The following CFAP92 variants were observed in gnomAD, a reference collection of about 807,000 sequenced individuals.
CFAP92 encodes the protein uncharacterized protein CFAP92.
A neutral mutation model predicts 106.3 loss-of-function variants in CFAP92; 86 were observed. The observed-to-expected ratio is 0.81, with a 90% CI of 0.68 to 0.97. CFAP92 has a LOEUF of 0.97. Among genes scored for constraint, CFAP92 ranks in the 50% least tolerant of loss-of-function variants. The pLI is 0.00. For synonymous variants in CFAP92, 477 were observed against 506.4 expected, an observed-to-expected ratio of 0.94 and a Z score of 0.78; for missense variants, 1,204 against 1,283.8, an observed-to-expected ratio of 0.94 and a Z score of 0.95.
rs1409387404 is a variant in CFAP92, at chr3:128,978,150, A to G, written c.703T>C (p.Ser235Pro). 4 of 1,613,818 alleles carry G rather than the reference A, an allele frequency of 2.5e-6. No individual in the cohort carries two copies. Among genetic ancestry groups the G allele is most frequent in the Non-Finnish European group, 3.4e-6 (4 of 1,179,806 alleles). Residue 235 changes from serine to proline, a missense_variant, in exon 5 of 16, where the codon TCT becomes CCT. Transcript: ENST00000645291. Reference sequence around the variant, plus strand: ...TTGGTATTCTCAATGCCCTGTTCAGATAATTTTCTCTGATTTAAAACCAAA... The same window carrying G: ...TTGGTATTCTCAATGCCCTGTTCAGGTAATTTTCTCTGATTTAAAACCAAA... ...RHLVLNQRKL[S>P]EQGIENTNIV...
At chr3:128,953,230 T>C (rs1453136630) in intron 9 of CFAP92, among the ~76,000 whole-genome samples, 6 of 149,804 alleles carry the variant, frequency 4.0e-5, no homozygotes, top group Non-Finnish European at 7.4e-5. Context: ...AAATACCCAA[T>C]CTGGGCCGGG....
upstream of CFAP92, chr3:129,004,141 G>A (rs1944950807): frequency 7.2e-7 from 1 of 1,392,228 alleles, no homozygotes; most frequent in African/African-American, 1.5e-5. Flanking sequence ...CCCAAACTTC[G>A]GGTGTGCAAT....
rs183362979 is a variant in CFAP92 at position 128,977,989 on chromosome 3, G to A, written c.808+56C>T. ...CATTGCTCCAGCACACCACACAACC[G>A]CTTTCCCTGCCATCGCCTTGCACTC... is the stretch of plus-strand genomic sequence containing the variant. On this transcript the variant is annotated intron_variant, in intron 5 of 15. Transcript: ENST00000645291. 1,382 of 1,606,698 alleles carry A rather than the reference G, an allele frequency of 8.6e-4. 4 individuals are homozygous for A. The highest frequency in any genetic ancestry group is 1.1e-3 in the Admixed American group (67 of 59,626).
chr3:129,004,035 A>C (rs1178815674), upstream of CFAP92: 2 of 1,510,958 alleles, frequency 1.3e-6, no homozygotes, highest in East Asian at 2.7e-5. Flanking sequence ...CCCGGCTTGC[A>C]GCGCTGGGTG....
the CFAP92 span, among the ~76,000 whole-genome samples, chr3:129,012,781 T>G: frequency 6.6e-6 from 1 of 152,176 alleles, no homozygotes; most frequent in South Asian, 2.1e-4. Flanking sequence ...AAACAATCAA[T>G]GTCCACCTCA....
In CFAP92 at chr3:128,987,736, T is replaced by A. The variant is rs759472993; in HGVS notation, c.547A>T (p.Asn183Tyr). The A allele has an allele frequency of 2.5e-5, 40 of 1,613,890 alleles. No homozygotes were observed. The highest frequency in any genetic ancestry group is 3.4e-5 in the Non-Finnish European group (40 of 1,179,866). ...TVTKELLKKI[N>Y]FHKITLRLWN... is the part of the protein sequence containing the mutation. ...AGCCTCAAGGTGATTTTGTGGAAAT[T>A]TATTTTCTTTAATAATTCCTTTGTC... Residue 183 changes from asparagine (N) to tyrosine (Y), a missense_variant, in exon 4 of 16, where the codon AAT becomes TAT. By Grantham distance (143) the Asn-to-Tyr change is moderately radical. Coordinates refer to ENST00000645291, the MANE Select transcript of CFAP92 (RefSeq NM_001394090.1).
intron 9 of CFAP92, among the ~76,000 whole-genome samples, chr3:128,958,090 A>C (rs557687043): frequency 1.3e-5 from 2 of 152,146 alleles, no homozygotes; most frequent in East Asian, 3.9e-4. Flanking sequence ...TCCCCCTTTC[A>C]TAAGGATACC....
intron 4 of CFAP92, among the ~76,000 whole-genome samples, chr3:128,983,467 C>A (rs1943651974): frequency 6.6e-6 from 1 of 152,164 alleles, no homozygotes; most frequent in African/African-American, 2.4e-5. Context: ...CAGGACTGCA[C>A]TCAGAGTGCC....
chr3:129,003,307 C>T, upstream of CFAP92: 3 of 983,966 alleles, frequency 3.0e-6, no homozygotes, highest in Non-Finnish European at 3.6e-6. Context: ...TGAGCACCTA[C>T]TATGTGCCAG....
At chr3:128,980,150 C>T (rs1301208346) in intron 4 of CFAP92, among the ~76,000 whole-genome samples, 2 of 151,398 alleles carry the variant, frequency 1.3e-5, no homozygotes, top group South Asian at 2.1e-4. Context: ...ATAAGAGGAT[C>T]GCTTGAGGCC....
chr3:128,990,609 T>G (rs985742853), intron 2 of CFAP92, among the ~76,000 whole-genome samples: 4 of 152,204 alleles, frequency 2.6e-5, no homozygotes, highest in Non-Finnish European at 5.9e-5. Flanking sequence ...AATAAACAAT[T>G]TATAGGTCGG....
intron 9 of CFAP92, among the ~76,000 whole-genome samples, chr3:128,947,284 A>C (rs770401250): frequency 1.3e-5 from 2 of 152,218 alleles, no homozygotes; most frequent in Non-Finnish European, 2.9e-5. Flanking sequence ...CATAGATTGG[A>C]AGACAATATA....
intron 9 of CFAP92, among the ~76,000 whole-genome samples, chr3:128,959,993 G>A (rs1941757212): frequency 6.6e-6 from 1 of 152,082 alleles, no homozygotes; most frequent in Non-Finnish European, 1.5e-5. Flanking sequence ...GTACTTTGTA[G>A]TCTCCCCCAC....
Position 128,945,699 on chromosome 3 carries a change from AG to A in CFAP92, c.1629del (p.Ser544LeufsTer37), listed in dbSNP as rs1185867941. 1 of 1,535,960 alleles carries A rather than the reference AG, an allele frequency of 6.5e-7. No individual in the cohort carries two copies. Among genetic ancestry groups the A allele is most frequent in the African/African-American group, 1.4e-5 (1 of 73,078 alleles). On this transcript the variant is annotated frameshift_variant, in exon 10 of 16. Transcript: ENST00000645291. LOFTEE classifies it high-confidence loss of function. Reference sequence around the variant, plus strand: ...GGGTTGTTCTCTGTCTCTCTGGGAGAGATGAGGGCCTGGAAGTTGAGGTATG... The same window carrying A: ...GGGTTGTTCTCTGTCTCTCTGGGAGAATGAGGGCCTGGAAGTTGAGGTATG... ...LDSYLNFQALISPRETENNPF... is the reference protein window; with the variant it reads ...LDSYLNFQALXSPRETENNPF...
chr3:128,933,320 G>C (rs1220448989), intron 11 of CFAP92, among the ~76,000 whole-genome samples: 1 of 152,204 alleles, frequency 6.6e-6, no homozygotes, highest in Non-Finnish European at 1.5e-5. Flanking sequence ...TGCCCATCAG[G>C]GATGTAGAGC....
chr3:129,002,010 G>A lies in CFAP92; in HGVS notation n.117+564C>T, dbSNP rs1045064754. On this transcript the variant is annotated intron_variant and non_coding_transcript_variant, in intron 1 of 4. Transcript: ENST00000510149. ...GGACGGGGACTCAGATACCGATGAAGAGGCGCGCCTGGCGCTGCGCGCCGA... is the reference window on the plus strand; with the variant it reads ...GGACGGGGACTCAGATACCGATGAAAAGGCGCGCCTGGCGCTGCGCGCCGA... 25 of 1,546,124 alleles carry A rather than the reference G, an allele frequency of 1.6e-5. No individual in the cohort carries two copies. In the African/African-American group the frequency reaches 3.5e-4, roughly 21 times the overall value.
chr3:128,987,863 G>A (rs1224994571), intron 3 of CFAP92, 34 bp from the exon 4 acceptor site: 2 of 1,549,322 alleles, frequency 1.3e-6, no homozygotes, highest in Admixed American at 1.9e-5. Flanking sequence ...TGTCAACTGG[G>A]GAAAGATGTG....
chr3:128,962,752 G>A (rs1452834963), intron 9 of CFAP92, among the ~76,000 whole-genome samples: 1 of 152,070 alleles, frequency 6.6e-6, no homozygotes, highest in East Asian at 1.9e-4. Flanking sequence ...GCTACAGCAC[G>A]GGCTTCTAAA....
intron 12 of CFAP92, among the ~76,000 whole-genome samples, chr3:128,923,194 G>A (rs149318760): frequency 2.0e-5 from 3 of 152,216 alleles, no homozygotes; most frequent in African/African-American, 7.2e-5. Flanking sequence ...AGATGTGTAC[G>A]ACCATGGAAC....
Sources: allele counts gnomAD v4.1 joint callset (sites outside exome capture counted in the v4.1 genomes callset), GRCh38; gene constraint gnomAD v4.1.1; transcripts MANE v1.5; gene names NCBI Gene and HGNC (gene_info 2026-07-23, HGNC 2026-07-21).